The following DENND2A variants were observed in gnomAD, a reference collection of about 807,000 sequenced individuals.
The protein encoded by DENND2A is DENN domain containing 2A, also known as DENN domain-containing protein 2A.
A neutral mutation model predicts 105.3 loss-of-function variants in DENND2A; 53 were observed. The ratio of observed to expected loss-of-function variants is 0.50; its 90% CI spans 0.40 to 0.63. The LOEUF is 0.63. Among genes scored for constraint, DENND2A ranks in the 30% least tolerant of loss-of-function variants. DENND2A has a pLI of 0.00. For synonymous variants in DENND2A, 522 were observed against 508.4 expected (o/e 1.03, Z -0.36); for missense variants, 1,138 against 1,279.6 (o/e 0.89, Z 1.69).
chr7:140,608,769 C>T (rs573861800), intron 1 of DENND2A, among the ~76,000 whole-genome samples: 70 of 152,066 alleles, frequency 4.6e-4, no homozygotes, highest in Admixed American at 1.6e-3. Flanking sequence ...TGATAAACTT[C>T]ATTATCACTT....
intron 12 of DENND2A, among the ~76,000 whole-genome samples, chr7:140,549,267 A>G (rs563178925): frequency 8.1e-5 from 12 of 147,990 alleles, no homozygotes; most frequent in East Asian, 2.0e-4. Context: ...CAAAATACAC[A>G]TTTTTTTTTT....
Position 140,558,206 on chromosome 7 carries a change from T to G in DENND2A, c.1896A>C (p.Thr632=). ...WVPVQQFTSE[T]FSFVLTGEDG... is the part of the protein sequence containing the mutation. ...CTTCTCCAGTTAAGACAAATGAGAA[T>G]GTTTCACTGTGGTTGGGAAAACACA... The change falls in exon 11 of 20, where the codon ACA becomes ACC. Residue 632 remains threonine (T), a synonymous_variant. Transcript: ENST00000496613. The G allele has an allele frequency of 1.2e-6, 2 of 1,612,756 alleles. No individual in the cohort carries two copies. The highest frequency in any genetic ancestry group is 1.1e-5 in the South Asian group (1 of 91,052).
chr7:140,526,905 T>C (rs1796074083), intron 15 of DENND2A, among the ~76,000 whole-genome samples: 1 of 152,132 alleles, frequency 6.6e-6, no homozygotes, highest in Admixed American at 6.5e-5. Flanking sequence ...GCTTCGATGC[T>C]AAACTGGACA....
At chr7:140,569,080 A>G (rs908022531) in intron 7 of DENND2A, among the ~76,000 whole-genome samples, 2 of 152,050 alleles carry the variant, frequency 1.3e-5, no homozygotes, top group East Asian at 3.9e-4. Context: ...GTATGCCACC[A>G]TGCCTGGCTA....
In DENND2A at chr7:140,521,864, C is replaced by A. The variant is rs1337316941; in HGVS notation, c.2902G>T (p.Asp968Tyr). The change falls in exon 18 of 20, where the codon GAT becomes TAT. Residue 968 changes from aspartate (D) to tyrosine (Y), a missense_variant. Around this residue, in one of 2 missense-constraint regions of DENND2A, gnomAD observed 627 missense variants for 779.8 expected, o/e 0.80. Transcript: ENST00000496613. ...AGAAGATGCCCCTCACCTTTGGCAT[C>A]CTGCCGGCGCAGCTCCCGCTCCTGG... ...FIQERELRRQ[D>Y]AKGLFEVRAQ... The A allele has an allele frequency of 1.1e-5, 18 of 1,613,822 alleles. No individual in the cohort carries two copies. Among genetic ancestry groups the A allele is most frequent in the Non-Finnish European group, 1.4e-5 (17 of 1,179,970 alleles).
chr7:140,536,241 G>C (rs1191353222), intron 14 of DENND2A, among the ~76,000 whole-genome samples: 10 of 152,036 alleles, frequency 6.6e-5, no homozygotes, highest in African/African-American at 1.9e-4. Context: ...TATAGTCCCA[G>C]CTGCTTGGGA....
intron 9 of DENND2A, among the ~76,000 whole-genome samples, chr7:140,561,387 G>T (rs143290319): frequency 1.0e-3 from 152 of 151,994 alleles, no homozygotes; most frequent in Middle Eastern, 6.9e-3. Context: ...TCATGCTAAG[G>T]TTATCTTCAG....
intron 9 of DENND2A, among the ~76,000 whole-genome samples, chr7:140,564,695 T>C (rs1027584069): frequency 3.3e-5 from 5 of 152,198 alleles, no homozygotes; most frequent in African/African-American, 1.2e-4. Flanking sequence ...TGTGGGTGAC[T>C]CCAGGCTGGA....
At chr7:140,635,748 T>C (rs999063084) in intron 1 of DENND2A, among the ~76,000 whole-genome samples, 10 of 152,188 alleles carry the variant, frequency 6.6e-5, no homozygotes, top group Admixed American at 6.5e-4. Context: ...TTAGCCCCTC[T>C]GAACTGCAAG....
At chr7:140,557,529 ATATTTTTTTTT>A (rs1269337876) in intron 11 of DENND2A, among the ~76,000 whole-genome samples, 9 of 32,920 alleles carry the variant, frequency 2.7e-4, no homozygotes, top group African/African-American at 6.9e-4. Context: ...ATATATATAT[ATATTTTTTTTT>A]TTTTTTTTTT....
At position 140,523,239 on chromosome 7, in the gene DENND2A, C is replaced by T; in HGVS notation, c.2665+68G>A. 1 of 1,492,408 alleles carries T rather than the reference C, an allele frequency of 6.7e-7. No individual in the cohort carries two copies. Among genetic ancestry groups the T allele is most frequent in the African/African-American group, 1.4e-5 (1 of 72,586 alleles). 92.4% of individuals were successfully genotyped at this position (1,492,408 alleles called of 1,614,324 possible). A position where few individuals can be genotyped will look rare whatever the true frequency, so the allele number is the denominator to read the frequency against. ...CATATTCCTACTTGGCCCTTGGCCA[C>T]TGCCCATTTGTTCCCTGACCCTCAG... On this transcript the variant is annotated intron_variant, in intron 17 of 19. Coordinates refer to ENST00000496613, the MANE Select transcript of DENND2A (RefSeq NM_015689.5). This position sits in a 1 kb window ranked among gnomAD's most constrained non-coding sequence, Gnocchi z 4.5.
chr7:140,519,668 C>T lies in DENND2A; in HGVS notation c.2962G>A (p.Glu988Lys), dbSNP rs906095259. ...QEYLETLPSG[E>K]HSGVNKFLKG... ...AGGAACTTATTGACACCGCTGTGCTCTCCACTGGGGAGTGTTTCCAGATAC... is the reference window on the plus strand; with the variant it reads ...AGGAACTTATTGACACCGCTGTGCTTTCCACTGGGGAGTGTTTCCAGATAC... The change falls in exon 19 of 20, where the codon GAG becomes AAG. Residue 988 changes from glutamate (E) to lysine (K), a missense_variant. Glu to Lys is a moderately conservative substitution (Grantham distance 56). Around this residue, in one of 2 missense-constraint regions of DENND2A, gnomAD observed 627 missense variants for 779.8 expected, o/e 0.80. Coordinates refer to ENST00000496613, the MANE Select transcript of DENND2A (RefSeq NM_015689.5). 1.9e-6 allele frequency: 3 copies of T among 1,614,008 alleles called. No individual in the cohort carries two copies. The highest frequency in any genetic ancestry group is 2.5e-6 in the Non-Finnish European group (3 of 1,180,038).
Position 140,518,698 on chromosome 7 carries a change from G to C in DENND2A, c.*9C>G. 3 of 1,613,360 alleles carry C rather than the reference G, an allele frequency of 1.9e-6. No individual in the cohort carries two copies. Among genetic ancestry groups the C allele is most frequent in the Non-Finnish European group, 2.5e-6 (3 of 1,179,298 alleles). On this transcript the variant is annotated 3_prime_UTR_variant, in exon 20 of 20. Coordinates refer to ENST00000496613, the MANE Select transcript of DENND2A (RefSeq NM_015689.5). ...GCACTAGGAGGAAGTTTTCCCTTGA[G>C]GCTGAGAGTTATTTCTTGTGGAGAA...
chr7:140,562,765 A>G (rs1367307962), intron 9 of DENND2A, among the ~76,000 whole-genome samples: 1 of 152,230 alleles, frequency 6.6e-6, no homozygotes, highest in Non-Finnish European at 1.5e-5. Context: ...CACTAATACT[A>G]GTGGTTAAGA....
intron 14 of DENND2A, among the ~76,000 whole-genome samples, chr7:140,537,244 G>A (rs1312812246): frequency 6.6e-6 from 1 of 152,152 alleles, no homozygotes. Context: ...TATTAAAAAT[G>A]AACCAAACCG....
intron 1 of DENND2A, among the ~76,000 whole-genome samples, chr7:140,615,907 CAA>C (rs1003163592): frequency 4.0e-5 from 6 of 151,894 alleles, no homozygotes; most frequent in Non-Finnish European, 8.8e-5. Flanking sequence ...ACTGGATAAA[CAA>C]AAGTGGTCTA....
intron 1 of DENND2A, among the ~76,000 whole-genome samples, chr7:140,617,368 A>G (rs765619614): frequency 6.6e-6 from 1 of 152,236 alleles, no homozygotes; most frequent in African/African-American, 2.4e-5. Context: ...AGGAGCATCA[A>G]CGGAGTAATT....
chr7:140,601,693 C>T lies in DENND2A; in HGVS notation c.705G>A (p.Arg235=). 4 of 1,614,058 alleles carry T rather than the reference C, an allele frequency of 2.5e-6. No homozygotes were observed. The highest frequency in any genetic ancestry group is 2.2e-5 in the South Asian group (2 of 91,076). The change falls in exon 3 of 20, where the codon AGG becomes AGA. Residue 235 remains arginine, a synonymous_variant. Transcript: ENST00000496613. The part of the protein sequence containing the change: ...REPTPELVED[R]KGSCRRPWDR... ...CCCAGGGCCTTCTGCATGAACCTTT[C>T]CTGTCCTCCACAAGCTCAGGGGTGG...
At chr7:140,625,880 A>T (rs2130729483) in intron 1 of DENND2A, among the ~76,000 whole-genome samples, 1 of 152,318 alleles carries the variant, frequency 6.6e-6, no homozygotes, top group South Asian at 2.1e-4. Context: ...TGAAGGTTTC[A>T]CATATTTATG....
Sources: gnomAD v4.1 joint callset for allele counts (sites outside exome capture counted in the v4.1 genomes callset) on GRCh38, gnomAD v4.1.1 for gene constraint, gnomAD v4.1.1 regional missense constraint, Gnocchi (gnomAD v3.1) non-coding constraint, MANE v1.5 for transcripts, NCBI Gene and HGNC (gene_info 2026-07-23, HGNC 2026-07-21) for gene names.